PACRG: variants seen among roughly 807,000 people sequenced by gnomAD.
PACRG encodes parkin coregulated gene protein.
In PACRG, 29 loss-of-function variants were observed where a neutral mutation model predicts 29.7. The observed-to-expected ratio is 0.98, with a 90% CI of 0.73 to 1.33. The LOEUF (loss-of-function observed/expected upper bound fraction) is 1.33, where lower values mean the gene tolerates loss of function less well. Ranked by LOEUF, PACRG falls within the 40% of genes most tolerant of loss-of-function variation. PACRG has a pLI of 0.00. For missense variants in PACRG, 279 were observed against 316.2 expected, an observed-to-expected ratio of 0.88 and a Z score of 0.89; for synonymous variants, 116 against 118.7, an observed-to-expected ratio of 0.98 and a Z score of 0.15.
At chr6:162,859,177 T>C (rs1010686795) in intron 2 of PACRG, among the ~76,000 whole-genome samples, 11 of 152,184 alleles carry the variant, frequency 7.2e-5, no homozygotes, top group Non-Finnish European at 1.3e-4. Flanking sequence ...CTTGTCTCTT[T>C]TCCCGTTTGC....
chr6:163,171,095 G>T (rs1208687107), intron 4 of PACRG, among the ~76,000 whole-genome samples: 4 of 152,122 alleles, frequency 2.6e-5, no homozygotes, highest in Non-Finnish European at 4.4e-5. Context: ...TAAAATGCAG[G>T]TTCGACCATA....
intron 4 of PACRG, among the ~76,000 whole-genome samples, chr6:163,241,116 C>T (rs1277626395): frequency 6.6e-6 from 1 of 151,920 alleles, no homozygotes; most frequent in Non-Finnish European, 1.5e-5. Flanking sequence ...CGGCATGTTT[C>T]CTAGTGAAAG....
At chr6:162,992,483 C>T (rs1376861462) in intron 2 of PACRG, among the ~76,000 whole-genome samples, 4 of 148,418 alleles carry the variant, frequency 2.7e-5, no homozygotes, top group African/African-American at 7.4e-5. Context: ...GTGTATGTGT[C>T]GAGGAATGTA....
intron 2 of PACRG, among the ~76,000 whole-genome samples, chr6:162,847,554 G>C (rs1790509052): frequency 6.6e-6 from 1 of 151,152 alleles, no homozygotes. Context: ...AGGGGCCTCA[G>C]TATAAAGGTG....
chr6:162,783,820 C>T (rs748032609), intron 1 of PACRG, among the ~76,000 whole-genome samples: 1 of 152,058 alleles, frequency 6.6e-6, no homozygotes, highest in Admixed American at 6.5e-5. Flanking sequence ...CCTCTAACAG[C>T]ATATAAGTGT....
At chr6:162,727,658 G>T, upstream of PACRG, 1 of 1,585,452 alleles carries the variant, frequency 6.3e-7, no homozygotes. Context: ...AGGTACCCAC[G>T]TACCTATCAT....
At chr6:163,277,494 T>TAC (rs1554239308) in intron 4 of PACRG, among the ~76,000 whole-genome samples, 27 of 73,444 alleles carry the variant, frequency 3.7e-4, no homozygotes, top group African/African-American at 1.5e-3. Context: ...TATATATATA[T>TAC]ACACACATAC....
chr6:163,177,710 A>AGTTTTTTT (rs1779440417), intron 4 of PACRG, among the ~76,000 whole-genome samples: 1 of 53,744 alleles, frequency 1.9e-5, no homozygotes, highest in Admixed American at 3.8e-4. Flanking sequence ...TAGAAAAGGG[A>AGTTTTTTT]TTTTTTTTTT....
At chr6:163,220,822 A>G (rs899972623) in intron 4 of PACRG, among the ~76,000 whole-genome samples, 1 of 152,228 alleles carries the variant, frequency 6.6e-6, no homozygotes, top group Non-Finnish European at 1.5e-5. Flanking sequence ...ACCAGGAACC[A>G]TCCTAAGAGC....
intron 2 of PACRG, among the ~76,000 whole-genome samples, chr6:162,946,256 G>GA (rs797010666): frequency 5.3e-4 from 78 of 147,322 alleles, no homozygotes; most frequent in African/African-American, 8.5e-4. Flanking sequence ...AGTAACCAAG[G>GA]AAAAAAAAAT....
At chr6:163,068,099 A>T (rs1048893751) in intron 3 of PACRG, among the ~76,000 whole-genome samples, 43 of 152,076 alleles carry the variant, frequency 2.8e-4, no homozygotes, top group Admixed American at 1.3e-4. Context: ...TGGACCACAT[A>T]TTGTCTTGGC....
At chr6:162,786,908 T>G (rs538564618) in intron 1 of PACRG, among the ~76,000 whole-genome samples, 1 of 152,296 alleles carries the variant, frequency 6.6e-6, no homozygotes, top group East Asian at 1.9e-4. Flanking sequence ...TCAAATGCAC[T>G]GTTAATGCAA....
chr6:162,754,662 C>G (rs995175403), intron 1 of PACRG, among the ~76,000 whole-genome samples: 1 of 151,850 alleles, frequency 6.6e-6, no homozygotes, highest in Non-Finnish European at 1.5e-5. Flanking sequence ...GATATAAGAG[C>G]CTAATTTTAT....
rs1811040161 is a variant in PACRG at position 163,060,848 on chromosome 6, G to A, written c.292-1302G>A. 4.6e-5 allele frequency: 7 copies of A among 152,186 alleles called. No individual in the cohort carries two copies. The South Asian group carries it at 1.5e-3, about 32-fold the overall frequency. The allele number at this position is 152,186 out of a possible 1,614,324, so 9.4% of individuals were successfully genotyped here. A position where few individuals can be genotyped will look rare whatever the true frequency, so the allele number is the denominator to read the frequency against. On this transcript the variant is annotated intron_variant, in intron 2 of 4. Coordinates refer to ENST00000366888, the MANE Select transcript of PACRG (RefSeq NM_001080379.2). The stretch of plus-strand genomic sequence containing the variant: ...ACTCCAGAATGCTGAGAGAGAGCTG[G>A]AAGGTACAAAAATCTCCCACTAAGT...
intron 2 of PACRG, among the ~76,000 whole-genome samples, chr6:162,922,494 A>G (rs532975027): frequency 7.2e-5 from 11 of 151,978 alleles, no homozygotes; most frequent in Non-Finnish European, 1.5e-4. Context: ...TTCACCCTGC[A>G]GTGCAGTGGA....
intron 1 of PACRG, among the ~76,000 whole-genome samples, chr6:162,731,746 A>G (rs1779786749): frequency 6.6e-6 from 1 of 152,190 alleles, no homozygotes; most frequent in African/African-American, 2.4e-5. Flanking sequence ...TATATTTACC[A>G]ATCATGTGCT....
chr6:163,309,528 A>G (rs940492072), intron 4 of PACRG, among the ~76,000 whole-genome samples: 4 of 152,250 alleles, frequency 2.6e-5, no homozygotes, highest in African/African-American at 4.8e-5. Flanking sequence ...GGCAAGTTGC[A>G]TCATAAAATT....
intron 2 of PACRG, among the ~76,000 whole-genome samples, chr6:162,844,368 AGTCC>A (rs1790145343): frequency 6.6e-6 from 1 of 152,154 alleles, no homozygotes; most frequent in African/African-American, 2.4e-5. Context: ...TTTCCAGGTG[AGTCC>A]GTCACCCCTC....
intron 2 of PACRG, among the ~76,000 whole-genome samples, chr6:162,833,630 CAT>C (rs1446901532): frequency 6.6e-6 from 1 of 151,614 alleles, no homozygotes; most frequent in East Asian, 1.9e-4. Context: ...AACCTTTTTT[CAT>C]ATGTTTGTTG....
Sources: allele counts gnomAD v4.1 joint callset (sites outside exome capture counted in the v4.1 genomes callset), GRCh38; gene constraint gnomAD v4.1.1; transcripts MANE v1.5; gene names NCBI Gene and HGNC (gene_info 2026-07-23, HGNC 2026-07-21).